The following VSIG10L variants were observed in gnomAD, a reference collection of about 807,000 sequenced individuals.
The protein encoded by VSIG10L is V-set and immunoglobulin domain containing 10 like.
Under a neutral mutation model 67.3 loss-of-function variants are expected in VSIG10L, and 63 were observed. The observed-to-expected ratio is 0.94, with a 90% confidence interval of 0.76 to 1.15. The LOEUF (loss-of-function observed/expected upper bound fraction) is 1.15, where lower values mean the gene tolerates loss of function less well. Among genes scored for constraint, VSIG10L ranks in the 50% most tolerant of loss-of-function variants. The pLI, the probability that VSIG10L is intolerant of heterozygous loss-of-function variation, is 0.00. For synonymous variants in VSIG10L, 499 were observed against 524.9 expected, an observed-to-expected ratio of 0.95 and a Z score of 0.67; for missense variants, 1,050 against 1,177.5, an observed-to-expected ratio of 0.89 and a Z score of 1.58.
Position 51,336,790 on chromosome 19 carries a change from C to G in VSIG10L, c.2305+448G>C, listed in dbSNP as rs575367606. Among the ~76,000 whole-genome samples the G allele has an allele frequency of 1.9e-3, 180 of 92,486 alleles. 1 individual carries two copies. Among genetic ancestry groups the G allele is most frequent in the African/African-American group, 7.0e-3 (173 of 24,656 alleles). The allele number at this position is 92,486 out of a possible 152,430, so 60.7% of individuals were successfully genotyped here. ...TTTTTTTTTTTTTTTTTTTTTGAGACGGAGTCTGGCTCTTTCACCCAGGCT... is the reference window on the plus strand; with the variant it reads ...TTTTTTTTTTTTTTTTTTTTTGAGAGGGAGTCTGGCTCTTTCACCCAGGCT... On this transcript the variant is annotated intron_variant, in intron 7 of 9. Transcript: ENST00000335624.
chr19:51,339,374 A>G (rs1985567521), intron 4 of VSIG10L, among the ~76,000 whole-genome samples: 1 of 151,946 alleles, frequency 6.6e-6, no homozygotes, highest in Non-Finnish European at 1.5e-5. Flanking sequence ...TCTTCACACA[A>G]TGATATTTCT....
In VSIG10L at chr19:51,340,238, A is replaced by C. The variant is rs1269450988; in HGVS notation, c.1251T>G (p.Phe417Leu). 1.3e-6 allele frequency: 2 copies of C among 1,511,206 alleles called. No homozygotes were observed. The highest frequency in any genetic ancestry group is 2.4e-5 in the South Asian group (2 of 82,288). 93.6% of individuals were successfully genotyped at this position (1,511,206 alleles called of 1,614,324 possible). A position where few individuals can be genotyped will look rare whatever the true frequency, so the allele number is the denominator to read the frequency against. Reference protein sequence around the residue: ...SSDRDAAPARFVTAGSNVTLR... With the variant: ...SSDRDAAPARLVTAGSNVTLR... The stretch of plus-strand genomic sequence containing the variant: ...AGGTCACGTTACTGCCCGCGGTGAC[A>C]AAGCGGGCAGGCGCGGCGTCGCGGT... The change falls in exon 4 of 10, where the codon TTT (phenylalanine) becomes TTG (leucine). Residue 417 changes from phenylalanine to leucine, a missense_variant. Transcript: ENST00000335624. The surrounding 1 kb of genome is among the most constrained non-coding windows in gnomAD (Gnocchi z 6.3).
chr19:51,338,276 G>A (rs1985538844), intron 5 of VSIG10L, 68 bp from the exon 6 acceptor site: 12 of 1,425,980 alleles, frequency 8.4e-6, no homozygotes, highest in Non-Finnish European at 1.0e-5. Context: ...CAGATCCTAT[G>A]CCCTACTTTA....
At position 51,340,078 on chromosome 19, in the gene VSIG10L, A is replaced by T. The variant is rs946297918; in HGVS notation, c.1411T>A (p.Cys471Ser). The T allele has an allele frequency of 4.2e-6, 6 of 1,429,250 alleles. No individual in the cohort carries two copies. Among genetic ancestry groups the T allele is most frequent in the Non-Finnish European group, 5.5e-6 (6 of 1,093,106 alleles). The allele number at this position is 1,429,250 out of a possible 1,614,324, so 88.5% of individuals were successfully genotyped here. A position where few individuals can be genotyped will look rare whatever the true frequency, so the allele number is the denominator to read the frequency against. ...VGPGHAGTYA[C>S]LAANPRTGRR... is the part of the protein sequence containing the mutation. ...CCGGTACGCGGGTTCGCCGCCAGGC[A>T]GGCGTAGGTGCCTGCGTGGCCCGGT... The change falls in exon 4 of 10, where the codon TGC (cysteine) becomes AGC (serine). Residue 471 changes from cysteine (C) to serine (S), a missense_variant. Around this residue, in one of 3 missense-constraint regions of VSIG10L, gnomAD observed 529 missense variants for 584.9 expected, o/e 0.90. Transcript: ENST00000335624. This position sits in a 1 kb window ranked among gnomAD's most constrained non-coding sequence, Gnocchi z 6.3.
Position 51,334,256 on chromosome 19 carries a change from A to G in VSIG10L, c.2354T>C (p.Leu785Pro). The stretch of plus-strand genomic sequence containing the variant: ...TACGGCTAGCAGCGCCAGGCCCAGC[A>G]GGGAGCCCAGGACGATGCCAGCGAT... ...GAIAGIVLGS[L>P]LGLALLAVLL... is the part of the protein sequence containing the mutation. The change falls in exon 8 of 10, where the codon CTG (leucine) becomes CCG (proline). Residue 785 changes from leucine (L) to proline (P), a missense_variant. This residue lies in a region of VSIG10L where 529 missense variants were observed against 584.9 expected (regional missense o/e 0.90). Transcript: ENST00000335624. 6.4e-7 allele frequency: 1 copy of G among 1,551,760 alleles called. No homozygotes were observed. The highest frequency in any genetic ancestry group is 8.7e-7 in the Non-Finnish European group (1 of 1,147,012).
In VSIG10L at chr19:51,333,935, A is replaced by C. The variant is rs1381820915; in HGVS notation, c.2430T>G (p.Pro810=). The change falls in exon 9 of 10, where the codon CCT becomes CCG. Residue 810 remains proline (P), a synonymous_variant. Coordinates refer to ENST00000335624, the MANE Select transcript of VSIG10L (RefSeq NM_001163922.3). ...AGGTAGAAGGATGCTTCTTTTTCTC[A>C]GGAGTCTTTCCTGATTGAGAGGCAG... ...CCLCRFRGKT[P]EKKKHPSTLV... is the part of the protein sequence containing the mutation. 2 of 1,551,452 alleles carry C rather than the reference A, an allele frequency of 1.3e-6. No individual in the cohort carries two copies. Among genetic ancestry groups the C allele is most frequent in the East Asian group, 4.9e-5 (2 of 40,926 alleles).
chr19:51,332,676 T>C, intron 9 of VSIG10L, 36 bp from the exon 10 acceptor site: 2 of 1,538,904 alleles, frequency 1.3e-6, no homozygotes, highest in Admixed American at 2.0e-5. Context: ...GAGAACTCAG[T>C]AGGTACTCTG....
rs368100871 is a variant in VSIG10L at position 51,334,202 on chromosome 19, C to T, written c.2408G>A (p.Cys803Tyr). ...VLLLLCICCL[C>Y]RFRGKTPEKK... ...GTCCCCTTGCTCACCACGAAAGCGG[C>T]ACAGGCAGCAGATGCAAAGGAGGAG... is the stretch of plus-strand genomic sequence containing the variant. The change falls in exon 8 of 10, where the codon TGC becomes TAC. Residue 803 changes from cysteine to tyrosine, a missense_variant. By Grantham distance (194) the Cys-to-Tyr change is radical. This residue lies in a region of VSIG10L where 529 missense variants were observed against 584.9 expected (regional missense o/e 0.90). Transcript: ENST00000335624. 3.9e-6 allele frequency: 6 copies of T among 1,551,706 alleles called. No homozygotes were observed. The African/African-American group carries it at 5.5e-5, about 14-fold the overall frequency.
rs1258048932 is a variant in VSIG10L, at chr19:51,340,514, G to A, written c.1108C>T (p.Arg370Cys). 6.5e-7 allele frequency: 1 copy of A among 1,533,158 alleles called. No homozygotes were observed. The highest frequency in any genetic ancestry group is 1.2e-5 in the South Asian group (1 of 83,816). 95.0% of individuals were successfully genotyped at this position (1,533,158 alleles called of 1,614,324 possible). ...GDQLLIVRPV[R>C]SDHARYTCRV... ...CAAGTGTACCGGGCGTGGTCGCTGC[G>A]CACAGGGCGCACGATGAGCAGCTGG... Residue 370 changes from arginine to cysteine, a missense_variant, in exon 3 of 10, where the codon CGC becomes TGC. Physicochemically the swap from Arg to Cys is radical, Grantham distance 180. Coordinates refer to ENST00000335624, the MANE Select transcript of VSIG10L (RefSeq NM_001163922.3). The surrounding 1 kb of genome is among the most constrained non-coding windows in gnomAD (Gnocchi z 6.3).
In VSIG10L at chr19:51,340,860, T is replaced by A; in HGVS notation, c.896-134A>T. On this transcript the variant is annotated intron_variant, in intron 2 of 9. Transcript: ENST00000335624. The surrounding 1 kb of genome is among the most constrained non-coding windows in gnomAD (Gnocchi z 6.3). ...CCCCATCCCTCTCCTCTCATAAACC[T>A]ATGAGTTTGAGCCCCCAGACACCTC... 8.3e-7 allele frequency: 1 copy of A among 1,205,814 alleles called. No individual in the cohort carries two copies. Among genetic ancestry groups the A allele is most frequent in the Non-Finnish European group, 1.1e-6 (1 of 909,860 alleles). The allele number at this position is 1,205,814 out of a possible 1,614,324, so 74.7% of individuals were successfully genotyped here.
At chr19:51,334,374 C>T in intron 7 of VSIG10L, 70 bp from the exon 8 acceptor site, 1 of 1,424,884 alleles carries the variant, frequency 7.0e-7, no homozygotes, top group South Asian at 1.3e-5. Context: ...TCCTAAGCCC[C>T]CTAACTTTGT....
Position 51,339,072 on chromosome 19 carries a change from G to C in VSIG10L, c.1545C>G (p.Cys515Trp). 7.5e-7 allele frequency: 1 copy of C among 1,336,224 alleles called. No homozygotes were observed. The highest frequency in any genetic ancestry group is 9.7e-7 in the Non-Finnish European group (1 of 1,035,588). The allele number at this position is 1,336,224 out of a possible 1,614,324, so 82.8% of individuals were successfully genotyped here. ...GPGDRSLRFRCSWPGGAPAAS... is the reference protein window; with the variant it reads ...GPGDRSLRFRWSWPGGAPAAS... ...CAGCAGGGGCCCCGCCGGGCCACGA[G>C]CAGCGGAAGCGGAGGCTGCGGTCCC... Residue 515 changes from cysteine (C) to tryptophan (W), a missense_variant, in exon 5 of 10, where the codon TGC becomes TGG. Coordinates refer to ENST00000335624, the MANE Select transcript of VSIG10L (RefSeq NM_001163922.3).
Position 51,337,382 on chromosome 19 carries a change from C to T in VSIG10L, c.2161G>A (p.Val721Ile). 6.4e-7 allele frequency: 1 copy of T among 1,551,690 alleles called. No homozygotes were observed. Among genetic ancestry groups the T allele is most frequent in the Non-Finnish European group, 8.7e-7 (1 of 1,146,996 alleles). ...TGAGGCCCCAGGATGAGCAGGGAGA[C>T]CCAGTCCCTGTAGGTGGAAGTCCTG... The part of the protein sequence containing the change: ...LGRTSTYRDW[V>I]SLLILGPQER... The change falls in exon 7 of 10, where the codon GTC becomes ATC. Residue 721 changes from valine to isoleucine, a missense_variant. Physicochemically the swap from Val to Ile is conservative, Grantham distance 29 (BLOSUM62 3). Coordinates refer to ENST00000335624, the MANE Select transcript of VSIG10L (RefSeq NM_001163922.3).
rs2123555980 is a variant in VSIG10L, at chr19:51,339,136, G to T, written c.1481C>A (p.Pro494His). Residue 494 changes from proline to histidine, a missense_variant, in exon 5 of 10, where the codon CCC (proline) becomes CAC (histidine). Around this residue, in one of 3 missense-constraint regions of VSIG10L, gnomAD observed 529 missense variants for 584.9 expected, o/e 0.90. Coordinates refer to ENST00000335624, the MANE Select transcript of VSIG10L (RefSeq NM_001163922.3). ...AACTGAGCACTGTGGGGCCCCGGGG[G>T]GCAGGTCTGCGGAGAGAAGGGAGAG... is the stretch of plus-strand genomic sequence containing the variant. ...SLLNLTVADL[P>H]PGAPQCSVEG... 2 of 1,302,304 alleles carry T rather than the reference G, an allele frequency of 1.5e-6. No homozygotes were observed. Among genetic ancestry groups the T allele is most frequent in the Admixed American group, 4.1e-5 (1 of 24,470 alleles). The allele number at this position is 1,302,304 out of a possible 1,614,324, so 80.7% of individuals were successfully genotyped here. A position where few individuals can be genotyped will look rare whatever the true frequency, so the allele number is the denominator to read the frequency against.
chr19:51,333,329 G>A (rs1985400473), intron 9 of VSIG10L, among the ~76,000 whole-genome samples: 1 of 152,158 alleles, frequency 6.6e-6, no homozygotes, highest in Non-Finnish European at 1.5e-5. Context: ...AGGAGTTCGG[G>A]ACCAGCCTGC....
Position 51,338,007 on chromosome 19 carries a change from A to T in VSIG10L, c.1931T>A (p.Leu644Gln). Residue 644 changes from leucine (L) to glutamine (Q), a missense_variant, in exon 6 of 10, where the codon CTG (leucine) becomes CAG (glutamine). Physicochemically the swap from Leu to Gln is moderately radical, Grantham distance 113. Transcript: ENST00000335624. ...GRKLHIGNFS[L>Q]DWDLGNYSVL... ...GGAGTAATTTCCCAGGTCCCAATCC[A>T]GGCTGAAGTTGCCGATGTGGAGTTT... 1 of 1,551,686 alleles carries T rather than the reference A, an allele frequency of 6.4e-7. No homozygotes were observed. The highest frequency in any genetic ancestry group is 8.7e-7 in the Non-Finnish European group (1 of 1,146,968).
At chr19:51,335,918 C>G (rs1403274120) in intron 7 of VSIG10L, among the ~76,000 whole-genome samples, 2 of 151,926 alleles carry the variant, frequency 1.3e-5, no homozygotes, top group Non-Finnish European at 1.5e-5. Flanking sequence ...TCCACACCCC[C>G]CACCTCCCCA....
At position 51,341,136 on chromosome 19, in the gene VSIG10L, C is replaced by G. The variant is rs535030723; in HGVS notation, c.895+17G>C. 6.7e-6 allele frequency: 10 copies of G among 1,486,504 alleles called. No individual in the cohort carries two copies. In the South Asian group the frequency reaches 9.3e-5, roughly 14 times the overall value. The allele number at this position is 1,486,504 out of a possible 1,614,324, so 92.1% of individuals were successfully genotyped here. A position where few individuals can be genotyped will look rare whatever the true frequency, so the allele number is the denominator to read the frequency against. On this transcript the variant is annotated intron_variant, in intron 2 of 9. Coordinates refer to ENST00000335624, the MANE Select transcript of VSIG10L (RefSeq NM_001163922.3). ...CAGCCCCTGCCGCCTGCACGCCGGA[C>G]GCCAGGGCCCACTTACCATACACAC... is the stretch of plus-strand genomic sequence containing the variant.
intron 9 of VSIG10L, among the ~76,000 whole-genome samples, chr19:51,333,498 C>A (rs1985404607): frequency 1.3e-5 from 2 of 148,622 alleles, no homozygotes; most frequent in Non-Finnish European, 3.0e-5. Flanking sequence ...CACTGCAGTC[C>A]AACCTGGGCA....
Sources: gnomAD v4.1 joint callset for allele counts (sites outside exome capture counted in the v4.1 genomes callset) on GRCh38, gnomAD v4.1.1 for gene constraint, gnomAD v4.1.1 regional missense constraint, Gnocchi (gnomAD v3.1) non-coding constraint, MANE v1.5 for transcripts, NCBI Gene and HGNC (gene_info 2026-07-23, HGNC 2026-07-21) for gene names.